The following MID1 variants were observed in gnomAD, a reference collection of about 807,000 sequenced individuals.
MID1 encodes E3 ubiquitin-protein ligase Midline-1.
Under a neutral mutation model 40.4 loss-of-function variants are expected in MID1, and 7 were observed. The ratio of observed to expected loss-of-function variants is 0.17; its 90% CI spans 0.10 to 0.33. MID1 has a LOEUF of 0.33. Ranked by LOEUF, MID1 falls within the 10% of genes least tolerant of loss-of-function variation. MID1 has a pLI of 1.00. For missense variants in MID1, 367 were observed against 558.5 expected (o/e 0.66, Z 3.46); for synonymous variants, 229 against 221.2 (o/e 1.04, Z -0.31).
chrX:10,782,817 T>C (rs1471006352), intron 1 of MID1, among the ~76,000 whole-genome samples: 2 of 111,847 alleles, frequency 1.8e-5, no homozygotes, highest in African/African-American at 6.5e-5. Flanking sequence ...CAGTAATCAT[T>C]TGGGAAGCAC....
At chrX:10,453,245 A>C (rs1374551418) in intron 9 of MID1, among the ~76,000 whole-genome samples, 1 of 111,911 alleles carries the variant, frequency 8.9e-6, no homozygotes, top group Non-Finnish European at 1.9e-5. Context: ...GAAGCTTACA[A>C]TTCACTTCTT....
chrX:10,773,908 G>T (rs1020164744), intron 1 of MID1, among the ~76,000 whole-genome samples: 10 of 112,087 alleles, frequency 8.9e-5, no homozygotes, highest in African/African-American at 2.9e-4. Context: ...CTCCAAGAGT[G>T]ATTATTAATG....
chrX:10,452,735 T>G (rs1928421037), intron 9 of MID1, among the ~76,000 whole-genome samples: 1 of 111,797 alleles, frequency 8.9e-6, no homozygotes, highest in Non-Finnish European at 1.9e-5. Flanking sequence ...AAAGATTAAT[T>G]GTGTAGCAAT....
chrX:10,760,979 G>A (rs893228804), intron 1 of MID1, among the ~76,000 whole-genome samples: 6 of 111,416 alleles, frequency 5.4e-5, no homozygotes, highest in South Asian at 3.8e-4. Flanking sequence ...CATACCTCCC[G>A]CCTTGAAATG....
chrX:10,759,121 C>G (rs936215990), intron 1 of MID1, among the ~76,000 whole-genome samples: 2 of 112,159 alleles, frequency 1.8e-5, no homozygotes, highest in Non-Finnish European at 1.9e-5. Flanking sequence ...GCTATTATTA[C>G]GCACTGAAGG....
intron 7 of MID1, among the ~76,000 whole-genome samples, chrX:10,465,238 C>T (rs942470337): frequency 5.2e-5 from 5 of 96,676 alleles, no homozygotes; most frequent in East Asian, 6.1e-4. Flanking sequence ...CACACACACA[C>T]ACACACACAC....
rs147143584 is a variant in MID1, at chrX:10,502,510, T to C, written c.757-6819A>G. 2.1e-3 allele frequency among the ~76,000 whole-genome samples: 230 copies of C among 111,645 alleles called. 1 individual carries two copies. Among genetic ancestry groups the C allele is most frequent in the African/African-American group, 7.1e-3 (219 of 30,749 alleles). ...ACAAATCCGGAGGCTACTATTCACT[T>C]TGAATTCCGCAAGAATGGTAGACCC... is the stretch of plus-strand genomic sequence containing the variant. On this transcript the variant is annotated intron_variant, in intron 3 of 9. Coordinates refer to ENST00000317552, the MANE Select transcript of MID1 (RefSeq NM_000381.4).
chrX:10,569,333 A>G (rs953551198), intron 1 of MID1, among the ~76,000 whole-genome samples: 3 of 112,330 alleles, frequency 2.7e-5, no homozygotes, highest in African/African-American at 9.7e-5. Flanking sequence ...AGGAAAGAAT[A>G]AAAGAGCAAC....
intron 1 of MID1, among the ~76,000 whole-genome samples, chrX:10,824,535 T>TA (rs1173514986): frequency 8.9e-6 from 1 of 112,331 alleles, no homozygotes; most frequent in Non-Finnish European, 1.9e-5. Context: ...CTGCACATAC[T>TA]AATCAGAAGT....
rs189150138 is a variant in MID1, at chrX:10,698,743, A to T, written c.-186-78324T>A. ...AAAAGAAGAAAAAGAAAAAAAAAAA[A>T]AAAACACCGCAGTTTCCTCCTTCCT... On this transcript the variant is annotated intron_variant, in intron 1 of 10. Coordinates refer to the MID1 transcript ENST00000380785. 3.0e-3 allele frequency among the ~76,000 whole-genome samples: 333 copies of T among 110,204 alleles called. 2 individuals are homozygous for T. The highest frequency in any genetic ancestry group is 0.01 in the African/African-American group (318 of 30,434).
In MID1 at chrX:10,620,284, G is replaced by A. The variant is rs954063257; in HGVS notation, c.-57+6C>T. The stretch of plus-strand genomic sequence containing the variant: ...CTCCGCCGCCAGCGCAACCGCCTGA[G>A]CTTACCTGCCTCATGTTTAGAATCC... On this transcript the variant is annotated splice_donor_region_variant and intron_variant, in intron 1 of 9. Coordinates refer to ENST00000317552, the MANE Select transcript of MID1 (RefSeq NM_000381.4). 8.9e-6 allele frequency: 1 copy of A among 112,667 alleles called. No individual in the cohort carries two copies. The highest frequency in any genetic ancestry group is 1.9e-5 in the Non-Finnish European group (1 of 53,342). 9.3% of individuals were successfully genotyped at this position (112,667 alleles called of 1,213,427 possible).
Position 10,613,724 on chromosome X carries a change from TATATATATAGAGAGAG to T in MID1, c.-57+6550_-57+6565del, listed in dbSNP as rs1268291686. 6.9e-3 allele frequency among the ~76,000 whole-genome samples: 378 copies of T among 54,425 alleles called. 1 individual carries two copies. Among genetic ancestry groups the T allele is most frequent in the Non-Finnish European group, 0.011 (334 of 31,562 alleles). The allele number at this position is 54,425 out of a possible 115,157, so 47.3% of individuals were successfully genotyped here. A position where few individuals can be genotyped will look rare whatever the true frequency, so the allele number is the denominator to read the frequency against. On this transcript the variant is annotated intron_variant, in intron 1 of 9. Coordinates refer to ENST00000317552, the MANE Select transcript of MID1 (RefSeq NM_000381.4). Reference sequence around the variant, plus strand: ...ATATATATATATATATATATATATATATATATATAGAGAGAGAGAGAGAGAGAGAGAGAGAGAGAGA... The same window carrying T: ...ATATATATATATATATATATATATATAGAGAGAGAGAGAGAGAGAGAGAGA...
chrX:10,450,096 T>TC (rs1287069888), intron 9 of MID1, among the ~76,000 whole-genome samples: 5 of 112,530 alleles, frequency 4.4e-5, no homozygotes, highest in Non-Finnish European at 7.5e-5. Context: ...TGTTCTGCTC[T>TC]CCTCGATATG....
chrX:10,477,639 G>T (rs190774930), intron 5 of MID1, among the ~76,000 whole-genome samples: 2 of 112,000 alleles, frequency 1.8e-5, no homozygotes, highest in Non-Finnish European at 1.9e-5. Context: ...AAATCCACTA[G>T]GGCTGTTAGC....
chrX:10,572,353 C>A (rs186658087), intron 1 of MID1, among the ~76,000 whole-genome samples: 1 of 110,552 alleles, frequency 9.0e-6, no homozygotes, highest in Admixed American at 9.6e-5. Context: ...AGTTCGAGAC[C>A]AGCCTGGCTA....
chrX:10,570,505 C>A (rs1934692177), intron 1 of MID1, among the ~76,000 whole-genome samples: 1 of 112,186 alleles, frequency 8.9e-6, no homozygotes, highest in African/African-American at 3.2e-5. Context: ...AAGAACGTAC[C>A]ACCAACACCT....
rs375668839 is a variant in MID1 at position 10,523,193 on chromosome X, CAAAA to C, written c.661-10_661-7del. ...AGGTTACTCTCTAAGTTTTGCTGTT[CAAAA>C]AAAAAAAAAAAAGAGGAAAAATATT... On this transcript the variant is annotated splice_region_variant and splice_polypyrimidine_tract_variant and intron_variant, in intron 2 of 9. Transcript: ENST00000317552. 700 of 777,779 alleles carry C rather than the reference CAAAA, an allele frequency of 9.0e-4. No individual in the cohort carries two copies. Among genetic ancestry groups the C allele is most frequent in the Non-Finnish European group, 1.0e-3 (589 of 577,342 alleles). The allele number at this position is 777,779 out of a possible 1,213,427, so 64.1% of individuals were successfully genotyped here.
chrX:10,567,152 C>A lies in MID1; in HGVS notation c.396G>T (p.Lys132Asn), dbSNP rs927091019. The A allele has an allele frequency of 2.5e-6, 3 of 1,209,471 alleles. No homozygotes were observed. The African/African-American group carries it at 5.3e-5, about 21-fold the overall frequency. ...AGGATACTTCACAAGTGACACAGGTCTTCACAGCGTCCTGGGCAGGATCCT... is the reference window on the plus strand; with the variant it reads ...AGGATACTTCACAAGTGACACAGGTATTCACAGCGTCCTGGGCAGGATCCT... ...CDQDPAQDAV[K>N]TCVTCEVSYC... is the part of the protein sequence containing the mutation. Residue 132 changes from lysine (K) to asparagine (N), a missense_variant, in exon 2 of 10, where the codon AAG becomes AAT. Physicochemically the swap from Lys to Asn is moderately conservative, Grantham distance 94. Transcript: ENST00000317552.
At chrX:10,589,215 C>G (rs1602443526) in intron 1 of MID1, among the ~76,000 whole-genome samples, 1 of 111,902 alleles carries the variant, frequency 8.9e-6, no homozygotes, top group South Asian at 3.8e-4. Context: ...ATCAAGCAAT[C>G]CAAGTCAAGT....
Sources: allele counts gnomAD v4.1 joint callset (sites outside exome capture counted in the v4.1 genomes callset), GRCh38; gene constraint gnomAD v4.1.1; transcripts MANE v1.5; gene names NCBI Gene and HGNC (gene_info 2026-07-23, HGNC 2026-07-21).